Variants in NRXN3 observed in about 807,000 individuals in gnomAD.
The protein encoded by NRXN3 is neurexin 3.
NRXN3 carries 32 observed loss-of-function variants against 137.6 expected under a neutral mutation model. The observed-to-expected ratio is 0.23, with a 90% CI of 0.18 to 0.31. NRXN3 has a LOEUF of 0.31. NRXN3 is among the 10% of genes least tolerant of loss of function. The pLI is 1.00. For missense variants in NRXN3, 1,574 were observed against 2,062.5 expected, an observed-to-expected ratio of 0.76 and a Z score of 4.59; for synonymous variants, 798 against 784.5, an observed-to-expected ratio of 1.02 and a Z score of -0.29.
chr14:79,751,819 A>G (rs1256872830), intron 19 of NRXN3, among the ~76,000 whole-genome samples: 1 of 151,918 alleles, frequency 6.6e-6, no homozygotes, highest in East Asian at 1.9e-4. Flanking sequence ...TTCTGCATCT[A>G]TTGAGATAAT....
intron 4 of NRXN3, among the ~76,000 whole-genome samples, chr14:78,583,085 C>T (rs2097020203): frequency 6.6e-6 from 1 of 152,292 alleles, no homozygotes; most frequent in East Asian, 1.9e-4. Context: ...AACATTCACA[C>T]AGGCAATGTA....
At chr14:79,438,684 AAT>A (rs2095881948) in intron 15 of NRXN3, among the ~76,000 whole-genome samples, 1 of 152,244 alleles carries the variant, frequency 6.6e-6, no homozygotes, top group Non-Finnish European at 1.5e-5. Flanking sequence ...ATTTTAAACA[AAT>A]ATGTGTCTAA....
At chr14:79,813,240 T>C (rs187519499) in intron 20 of NRXN3, among the ~76,000 whole-genome samples, 18 of 152,286 alleles carry the variant, frequency 1.2e-4, no homozygotes, top group African/African-American at 4.1e-4. Context: ...GATTTCTTTA[T>C]CATAATTATA....
chr14:79,241,636 G>C (rs929730126), intron 15 of NRXN3, among the ~76,000 whole-genome samples: 6 of 152,084 alleles, frequency 3.9e-5, no homozygotes, highest in Non-Finnish European at 8.8e-5. Context: ...GATTTCGATG[G>C]GGAAACAGCC....
At chr14:79,590,005 C>A (rs1317120293) in intron 16 of NRXN3, among the ~76,000 whole-genome samples, 2 of 152,074 alleles carry the variant, frequency 1.3e-5, no homozygotes, top group African/African-American at 4.8e-5. Flanking sequence ...CATGATAAGC[C>A]CATTTTTCTT....
intron 15 of NRXN3, among the ~76,000 whole-genome samples, chr14:79,262,931 G>A (rs892113522): frequency 1.3e-5 from 2 of 152,132 alleles, no homozygotes; most frequent in African/African-American, 4.8e-5. Flanking sequence ...CTACTGCTGG[G>A]ATTGAATCTG....
At chr14:79,725,026 A>G (rs892554110) in intron 19 of NRXN3, among the ~76,000 whole-genome samples, 1 of 152,146 alleles carries the variant, frequency 6.6e-6, no homozygotes, top group Non-Finnish European at 1.5e-5. Flanking sequence ...TGCACAGAGG[A>G]GTGAAGCCTG....
intron 15 of NRXN3, among the ~76,000 whole-genome samples, chr14:79,018,275 A>G (rs1209436570): frequency 1.7e-5 from 1 of 57,696 alleles, no homozygotes; most frequent in African/African-American, 5.9e-5. Flanking sequence ...AAAAAAAAAA[A>G]AAAAAAAAAA....
intron 4 of NRXN3, among the ~76,000 whole-genome samples, chr14:78,560,995 C>CTA (rs2096781075): frequency 6.6e-6 from 1 of 152,194 alleles, no homozygotes; most frequent in Non-Finnish European, 1.5e-5. Context: ...CTTGATTATG[C>CTA]TGCAGTAATA....
intron 4 of NRXN3, among the ~76,000 whole-genome samples, chr14:78,576,476 G>A (rs1345435146): frequency 6.6e-6 from 1 of 152,076 alleles, no homozygotes; most frequent in East Asian, 1.9e-4. Context: ...ACTACCCAGA[G>A]AAAACTACTA....
At chr14:79,498,543 C>T (rs2096789282) in intron 16 of NRXN3, among the ~76,000 whole-genome samples, 1 of 152,194 alleles carries the variant, frequency 6.6e-6, no homozygotes, top group African/African-American at 2.4e-5. Flanking sequence ...GTAATTCCAA[C>T]ATCCATCAGT....
chr14:79,764,166 G>T (rs868149983), intron 19 of NRXN3, among the ~76,000 whole-genome samples: 4 of 22,716 alleles, frequency 1.8e-4, no homozygotes, highest in South Asian at 1.7e-3. Flanking sequence ...TTTGGTGGGT[G>T]GGGGGGGTGT....
chr14:79,417,736 G>A (rs2095517427), intron 15 of NRXN3, among the ~76,000 whole-genome samples: 1 of 152,060 alleles, frequency 6.6e-6, no homozygotes, highest in South Asian at 2.1e-4. Context: ...GAGACATACA[G>A]TATTTCATTT....
At chr14:79,661,682 T>C (rs570005331) in intron 16 of NRXN3, 1 of 152,270 alleles carries the variant, frequency 6.6e-6, no homozygotes, top group South Asian at 2.1e-4. Flanking sequence ...TTAGAAAAAC[T>C]CTTTTCTATA....
intron 4 of NRXN3, among the ~76,000 whole-genome samples, chr14:78,430,553 C>T (rs1160352491): frequency 1.3e-5 from 2 of 152,202 alleles, no homozygotes; most frequent in African/African-American, 4.8e-5. Flanking sequence ...TCAGACACCA[C>T]ATTCCTTCTC....
intron 4 of NRXN3, among the ~76,000 whole-genome samples, chr14:78,528,324 G>A (rs1389797696): frequency 2.0e-5 from 3 of 152,292 alleles, no homozygotes; most frequent in African/African-American, 7.2e-5. Flanking sequence ...TCCCTTCAGT[G>A]GAATTCCCAT....
At chr14:79,071,459 T>C (rs912621088) in intron 15 of NRXN3, among the ~76,000 whole-genome samples, 6 of 152,176 alleles carry the variant, frequency 3.9e-5, no homozygotes, top group Admixed American at 3.9e-4. Context: ...GAGAAACACA[T>C]TTTTTAAATA....
chr14:78,682,011 G>A (rs2098081269), intron 6 of NRXN3, among the ~76,000 whole-genome samples: 2 of 152,062 alleles, frequency 1.3e-5, no homozygotes, highest in African/African-American at 4.8e-5. Context: ...GCGATTACAG[G>A]CGAGCGCCAC....
chr14:78,788,479 CT>C (rs2153045330), intron 8 of NRXN3, among the ~76,000 whole-genome samples: 1 of 152,180 alleles, frequency 6.6e-6, no homozygotes, highest in East Asian at 1.9e-4. Context: ...TGAGTTTGTC[CT>C]GTGAAAAATA....
Sources: gnomAD v4.1 joint callset for allele counts (sites outside exome capture counted in the v4.1 genomes callset) on GRCh38, gnomAD v4.1.1 for gene constraint, MANE v1.5 for transcripts, NCBI Gene and HGNC (gene_info 2026-07-23, HGNC 2026-07-21) for gene names.